The following SCPEP1 variants were observed in gnomAD, a reference collection of about 807,000 sequenced individuals.
SCPEP1 encodes retinoid-inducible serine carboxypeptidase.
A neutral mutation model predicts 63.8 loss-of-function variants in SCPEP1; 51 were observed. The observed-to-expected ratio is 0.80, with a 90% CI of 0.64 to 1.01. The LOEUF is 1.01. Ranked by LOEUF, SCPEP1 falls within the 50% of genes least tolerant of loss-of-function variation. The pLI is 0.00. For missense variants in SCPEP1, 499 were observed against 554.9 expected (o/e 0.90, Z 1.01); for synonymous variants, 204 against 207.8 (o/e 0.98, Z 0.16).
chr17:56,997,476 A>C (rs1911603617), intron 9 of SCPEP1, among the ~76,000 whole-genome samples: 1 of 152,246 alleles, frequency 6.6e-6, no homozygotes, highest in Non-Finnish European at 1.5e-5. Context: ...CATCAGTTCA[A>C]GACTGAATTT....
At chr17:56,981,911 T>TC (rs1216158435) in intron 2 of SCPEP1, among the ~76,000 whole-genome samples, 2 of 152,150 alleles carry the variant, frequency 1.3e-5, no homozygotes, top group African/African-American at 4.8e-5. Context: ...TACAATCCTT[T>TC]CCTGAACCCT....
At position 56,994,898 on chromosome 17, in the gene SCPEP1, T is replaced by G. The variant is rs559901448; in HGVS notation, c.620-83T>G. ...GGGTTTCTTGCTTCTGTCTCTTTCT[T>G]CTTTAGAGAGAAGACAGTAGGTTTG... On this transcript the variant is annotated intron_variant, in intron 6 of 12. Transcript: ENST00000262288. 17 of 1,280,188 alleles carry G rather than the reference T, an allele frequency of 1.3e-5. 1 individual carries two copies. The South Asian group carries it at 1.7e-4, about 13-fold the overall frequency. The allele number at this position is 1,280,188 out of a possible 1,614,324, so 79.3% of individuals were successfully genotyped here. A position where few individuals can be genotyped will look rare whatever the true frequency, so the allele number is the denominator to read the frequency against.
chr17:56,991,065 C>G, intron 5 of SCPEP1, 34 bp from the exon 6 acceptor site: 1 of 1,549,620 alleles, frequency 6.5e-7, no homozygotes, highest in South Asian at 1.1e-5. Flanking sequence ...GCCACTGCAC[C>G]TGGCCTGAGG....
At chr17:56,985,089 A>G in intron 2 of SCPEP1, 1 of 400,328 alleles carries the variant, frequency 2.5e-6, no homozygotes, top group South Asian at 2.7e-5. Context: ...TGGGTGACAA[A>G]GTTAGACTCT....
At chr17:56,985,333 T>A in intron 2 of SCPEP1, 45 bp from the exon 3 acceptor site, 1 of 1,454,934 alleles carries the variant, frequency 6.9e-7, no homozygotes, top group South Asian at 1.1e-5. Context: ...TTGTAAAGAC[T>A]AAGATCTGAC....
At chr17:56,998,307 C>CT (rs1911632268) in intron 9 of SCPEP1, 78 bp from the exon 10 acceptor site, 8 of 928,062 alleles carry the variant, frequency 8.6e-6, no homozygotes, top group Non-Finnish European at 1.3e-5. Flanking sequence ...GAGATTCTGT[C>CT]TCAAAAAAAA....
In SCPEP1 at chr17:56,996,975, T is replaced by C. The variant is rs1266681328; in HGVS notation, c.800T>C (p.Val267Ala). ...EMIIEQNTDG[V>A]NFYNILTKST... ...TTTATATTTCAGAACACAGATGGGG[T>C]GAACTTCTATAACATCTTAACTAAA... The change falls in exon 9 of 13, where the codon GTG becomes GCG. Residue 267 changes from valine (V) to alanine (A), a missense_variant. By Grantham distance (64) the Val-to-Ala change is moderately conservative (BLOSUM62 0). Coordinates refer to ENST00000262288, the MANE Select transcript of SCPEP1 (RefSeq NM_021626.3). 8 of 1,602,516 alleles carry C rather than the reference T, an allele frequency of 5.0e-6. No homozygotes were observed. The African/African-American group carries it at 1.1e-4, about 22-fold the overall frequency.
At position 56,998,519 on chromosome 17, in the gene SCPEP1, A is replaced by G. The variant is rs1194482230; in HGVS notation, c.994+21A>G. On this transcript the variant is annotated intron_variant, in intron 10 of 12. Coordinates refer to ENST00000262288, the MANE Select transcript of SCPEP1 (RefSeq NM_021626.3). The stretch of plus-strand genomic sequence containing the variant: ...GGGAGGTACTTATATGACCTAATTA[A>G]GTGCCGTTTGTACAGTTATGGGGAG... 3 of 1,561,154 alleles carry G rather than the reference A, an allele frequency of 1.9e-6. No individual in the cohort carries two copies. The South Asian group carries it at 3.3e-5, about 17-fold the overall frequency.
rs1399528394 is a variant in SCPEP1 at position 56,988,270 on chromosome 17, A to G, written c.526A>G (p.Ile176Val). ...CTATGGAGGAAAAATGGCAGCTGGCATTGGTCTAGAGCTTTATAAGGTAAT... is the reference window on the plus strand; with the variant it reads ...CTATGGAGGAAAAATGGCAGCTGGCGTTGGTCTAGAGCTTTATAAGGTAAT... ...ESYGGKMAAG[I>V]GLELYKAIQR... The change falls in exon 5 of 13, where the codon ATT becomes GTT. Residue 176 changes from isoleucine to valine, a missense_variant. Physicochemically the swap from Ile to Val is conservative, Grantham distance 29. Transcript: ENST00000262288. 9 of 1,612,698 alleles carry G rather than the reference A, an allele frequency of 5.6e-6. No individual in the cohort carries two copies. The highest frequency in any genetic ancestry group is 1.6e-4 in the Middle Eastern group (1 of 6,076).
intron 12 of SCPEP1, among the ~76,000 whole-genome samples, chr17:57,002,631 C>T (rs964340070): frequency 5.9e-5 from 9 of 152,002 alleles, no homozygotes; most frequent in Admixed American, 2.6e-4. Context: ...CACTTGAACC[C>T]GGGAGGTGGA....
intron 2 of SCPEP1, 132 bp downstream of exon 2, chr17:56,981,362 C>T (rs961573783): frequency 1.4e-5 from 13 of 946,310 alleles, no homozygotes; most frequent in East Asian, 5.2e-5. Flanking sequence ...GGGGGTTCGG[C>T]GTGCTTCTGA....
chr17:56,997,139 T>C (rs1045976785), intron 9 of SCPEP1, 84 bp downstream of exon 9: 1 of 775,868 alleles, frequency 1.3e-6, no homozygotes, highest in Non-Finnish European at 2.0e-6. Flanking sequence ...AAAAAAACTT[T>C]ATTAACATAT....
intron 1 of SCPEP1, 145 bp downstream of exon 1, chr17:56,978,380 C>CTTT: frequency 1.3e-5 from 10 of 775,980 alleles, no homozygotes; most frequent in Admixed American, 4.4e-5. Flanking sequence ...GAATCTCACT[C>CTTT]TTTTTTTTTT....
At chr17:56,990,979 C>A in intron 5 of SCPEP1, 120 bp from the exon 6 acceptor site, 1 of 792,758 alleles carries the variant, frequency 1.3e-6, no homozygotes, top group South Asian at 1.4e-5. Flanking sequence ...ACTACATTGC[C>A]TAGGCTGGTC....
intron 1 of SCPEP1, among the ~76,000 whole-genome samples, chr17:56,979,045 T>C (rs1437655201): frequency 3.9e-5 from 6 of 152,254 alleles, no homozygotes; most frequent in Non-Finnish European, 8.8e-5. Flanking sequence ...TCTGTTATTG[T>C]CAAGGACAAT....
intron 2 of SCPEP1, chr17:56,983,754 T>C (rs1165228885): frequency 1.3e-5 from 2 of 152,128 alleles, no homozygotes; most frequent in Admixed American, 1.3e-4. Flanking sequence ...TTCAAAACAT[T>C]AGTGTTGTAA....
At chr17:56,994,242 G>A (rs1279292183) in intron 6 of SCPEP1, among the ~76,000 whole-genome samples, 2 of 152,200 alleles carry the variant, frequency 1.3e-5, no homozygotes, top group African/African-American at 4.8e-5. Flanking sequence ...TTAAGCTAAG[G>A]AGAGACATAC....
intron 3 of SCPEP1, chr17:56,987,474 T>C (rs1911256674): frequency 2.5e-6 from 1 of 405,054 alleles, no homozygotes; most frequent in Non-Finnish European, 4.4e-6. Flanking sequence ...TCCCTTTTTT[T>C]TTTTTTGCGG....
intron 12 of SCPEP1, among the ~76,000 whole-genome samples, chr17:57,004,142 T>C (rs1490320252): frequency 1.3e-5 from 2 of 152,194 alleles, no homozygotes; most frequent in African/African-American, 2.4e-5. Flanking sequence ...GAGGTTGCAG[T>C]GAGCCAAGAT....
Sources: gnomAD v4.1 joint callset for allele counts (sites outside exome capture counted in the v4.1 genomes callset) on GRCh38, gnomAD v4.1.1 for gene constraint, MANE v1.5 for transcripts, NCBI Gene and HGNC (gene_info 2026-07-23, HGNC 2026-07-21) for gene names.